Variants in DACH1 observed in about 807,000 individuals in gnomAD.
DACH1 encodes the protein dachshund homolog 1.
A neutral mutation model predicts 54.2 loss-of-function variants in DACH1; 12 were observed. The ratio of observed to expected loss-of-function variants is 0.22; its 90% confidence interval spans 0.14 to 0.36. The LOEUF is 0.36. Among genes scored for constraint, DACH1 ranks in the 10% least tolerant of loss-of-function variants. The probability of loss-of-function intolerance (pLI) is 1.00; values close to 1 mark genes in which losing one functional copy is unlikely to be tolerated. For missense variants in DACH1, 805 were observed against 929.8 expected (o/e 0.87, Z 1.75); for synonymous variants, 386 against 366.2 (o/e 1.05, Z -0.62).
At chr13:71,804,975 A>G (rs1023555726) in intron 1 of DACH1, among the ~76,000 whole-genome samples, 1 of 152,112 alleles carries the variant, frequency 6.6e-6, no homozygotes, top group African/African-American at 2.4e-5. Flanking sequence ...ATGGATCTTC[A>G]CTGTGCAATA....
At chr13:71,635,779 TTTTTC>T (rs1449249671) in intron 2 of DACH1, among the ~76,000 whole-genome samples, 3 of 152,074 alleles carry the variant, frequency 2.0e-5, no homozygotes, top group Non-Finnish European at 4.4e-5. Context: ...TGCTTTTACA[TTTTTC>T]TTTTCTTTTC....
intron 6 of DACH1, among the ~76,000 whole-genome samples, chr13:71,547,863 G>C (rs1319288582): frequency 6.6e-6 from 1 of 152,122 alleles, no homozygotes; most frequent in East Asian, 1.9e-4. Flanking sequence ...GACTGAATGT[G>C]TTAAATCATC....
intron 2 of DACH1, among the ~76,000 whole-genome samples, chr13:71,634,947 C>T (rs1030774218): frequency 2.0e-5 from 3 of 152,130 alleles, no homozygotes; most frequent in Non-Finnish European, 4.4e-5. Flanking sequence ...CTCTTTATTG[C>T]TCTTTTCTGG....
rs75898107 is a variant in DACH1 at position 71,746,816 on chromosome 13, A to G, written c.849-64906T>C. On this transcript the variant is annotated intron_variant, in intron 1 of 10. Coordinates refer to ENST00000613252, the MANE Select transcript of DACH1 (RefSeq NM_080759.6). ...GACTTCTCTAATGTCTTCACTAAGT[A>G]TAAGTCAAAGCTATGTCGACTTAGT... 3.0e-3 allele frequency among the ~76,000 whole-genome samples: 456 copies of G among 152,318 alleles called. 5 individuals are homozygous for G. Among genetic ancestry groups the G allele is most frequent in the East Asian group, 0.027 (140 of 5,174 alleles).
At chr13:71,778,625 G>A (rs490752) in intron 1 of DACH1, among the ~76,000 whole-genome samples, 54,939 of 151,756 alleles carry the variant, frequency 0.36, 11,300 homozygotes, top group African/African-American at 0.55. Flanking sequence ...TTCTTATAAT[G>A]AAAGTAAAGA....
intron 1 of DACH1, among the ~76,000 whole-genome samples, chr13:71,847,909 G>A (rs1422540044): frequency 3.3e-5 from 5 of 152,102 alleles, no homozygotes; most frequent in African/African-American, 1.2e-4. Flanking sequence ...TTGCTAAATG[G>A]TTGAATGCCT....
chr13:71,700,362 C>T (rs1882060225), intron 1 of DACH1, among the ~76,000 whole-genome samples: 1 of 151,916 alleles, frequency 6.6e-6, no homozygotes, highest in Non-Finnish European at 1.5e-5. Flanking sequence ...TCGAGACCAG[C>T]CTGACTAACA....
chr13:71,732,712 A>G (rs2137916226), intron 1 of DACH1, among the ~76,000 whole-genome samples: 1 of 152,030 alleles, frequency 6.6e-6, no homozygotes, highest in East Asian at 1.9e-4. Context: ...GAATGCTGCC[A>G]CAACCTTTTG....
chr13:71,740,054 G>T (rs1307562914), intron 1 of DACH1, among the ~76,000 whole-genome samples: 1 of 152,094 alleles, frequency 6.6e-6, no homozygotes, highest in Admixed American at 6.6e-5. Flanking sequence ...ATATCAACTT[G>T]TACAAATAAA....
Position 71,560,352 on chromosome 13 carries a change from A to G in DACH1, c.1300-397T>C, listed in dbSNP as rs74095975. On this transcript the variant is annotated intron_variant, in intron 4 of 10. Transcript: ENST00000613252. ...TTCCCTTATTTCTGCAAGTATCTAA[A>G]GATCATGTAATAAACACATTATCAA... 8.1e-3 allele frequency among the ~76,000 whole-genome samples: 1,241 copies of G among 152,310 alleles called. 15 individuals carry two copies. Among genetic ancestry groups the G allele is most frequent in the African/African-American group, 0.027 (1,114 of 41,568 alleles).
chr13:71,714,146 C>T (rs886886746), intron 1 of DACH1, among the ~76,000 whole-genome samples: 14 of 151,942 alleles, frequency 9.2e-5, no homozygotes, highest in Non-Finnish European at 1.8e-4. Context: ...TTCATATGGG[C>T]TATTTTATGG....
At chr13:71,556,991 G>A (rs779155617) in intron 6 of DACH1, 33 bp downstream of exon 6, 24 of 1,539,028 alleles carry the variant, frequency 1.6e-5, no homozygotes, top group South Asian at 2.5e-5. Context: ...CTATTGAATC[G>A]GGAAAAACAA....
intron 6 of DACH1, among the ~76,000 whole-genome samples, chr13:71,518,099 T>C (rs956925763): frequency 6.6e-6 from 1 of 151,910 alleles, no homozygotes; most frequent in African/African-American, 2.4e-5. Context: ...TAGTGTGAAC[T>C]GAAATATGTC....
At chr13:71,465,494 A>G (rs1490705374) in intron 10 of DACH1, among the ~76,000 whole-genome samples, 1 of 152,118 alleles carries the variant, frequency 6.6e-6, no homozygotes, top group Non-Finnish European at 1.5e-5. Flanking sequence ...AAAAAGAGGA[A>G]GCAGGCTTTG....
At chr13:71,675,155 C>T in intron 2 of DACH1, 2 of 1,580,070 alleles carry the variant, frequency 1.3e-6, no homozygotes, top group South Asian at 1.1e-5. Flanking sequence ...AAGAGTGCGC[C>T]CTCTACTGGA....
intron 1 of DACH1, among the ~76,000 whole-genome samples, chr13:71,757,294 A>G (rs188425233): frequency 6.6e-6 from 1 of 152,286 alleles, no homozygotes; most frequent in African/African-American, 2.4e-5. Context: ...TAAGCACTAG[A>G]ACACAAGCAA....
Position 71,734,911 on chromosome 13 carries a change from TC to T in DACH1, c.849-53002del, listed in dbSNP as rs1412863101. ...TATATCCCATATACATATATGTATA[TC>T]CCATATATGTATATATACATATATA... is the stretch of plus-strand genomic sequence containing the variant. On this transcript the variant is annotated intron_variant, in intron 1 of 10. Transcript: ENST00000613252. Among the ~76,000 whole-genome samples, 9 of 149,116 alleles carry T rather than the reference TC, an allele frequency of 6.0e-5. No homozygotes were observed. The East Asian group carries it at 1.8e-3, about 29-fold the overall frequency.
chr13:71,675,610 A>G (rs931713988), intron 2 of DACH1: 1 of 613,006 alleles, frequency 1.6e-6, no homozygotes. Flanking sequence ...TATGATTGCG[A>G]GTGGAAAAAT....
chr13:71,618,049 A>G (rs989458639), intron 3 of DACH1, among the ~76,000 whole-genome samples: 1 of 152,152 alleles, frequency 6.6e-6, no homozygotes, highest in African/African-American at 2.4e-5. Flanking sequence ...TGATATTAAT[A>G]TATCTAAAAT....
Sources: gnomAD v4.1 joint callset for allele counts (sites outside exome capture counted in the v4.1 genomes callset) on GRCh38, gnomAD v4.1.1 for gene constraint, MANE v1.5 for transcripts, NCBI Gene and HGNC (gene_info 2026-07-23, HGNC 2026-07-21) for gene names.